ST6GALNAC3: variants seen among roughly 807,000 people sequenced by gnomAD.
ST6GALNAC3 encodes ST6 N-acetylgalactosaminide alpha-2,6-sialyltransferase 3.
In ST6GALNAC3, 25 loss-of-function variants were observed where a neutral mutation model predicts 32.7. That is an observed-to-expected ratio of 0.76 (90% confidence interval 0.56 to 1.07). The LOEUF is 1.07. Ranked by LOEUF, ST6GALNAC3 falls within the 50% of genes least tolerant of loss-of-function variation. ST6GALNAC3 has a pLI of 0.00. For synonymous variants in ST6GALNAC3, 129 were observed against 133.1 expected (o/e 0.97, Z 0.21); for missense variants, 355 against 382.4 (o/e 0.93, Z 0.60).
chr1:76,077,917 A>C (rs997945417), intron 1 of ST6GALNAC3, among the ~76,000 whole-genome samples: 3 of 152,244 alleles, frequency 2.0e-5, no homozygotes, highest in Non-Finnish European at 4.4e-5. Flanking sequence ...CCCCATTCTC[A>C]AATGGCTTAT....
chr1:76,139,074 G>C (rs1360324012), intron 1 of ST6GALNAC3, among the ~76,000 whole-genome samples: 1 of 152,092 alleles, frequency 6.6e-6, no homozygotes, highest in Non-Finnish European at 1.5e-5. Flanking sequence ...GACGCCTGTA[G>C]TCCCAGCTAC....
At position 76,493,752 on chromosome 1, in the gene ST6GALNAC3, G is replaced by T. The variant is rs551500495; in HGVS notation, c.623+81335G>T. Among the ~76,000 whole-genome samples, 4 of 152,098 alleles carry T rather than the reference G, an allele frequency of 2.6e-5. No individual in the cohort carries two copies. In the South Asian group the frequency reaches 8.3e-4, roughly 32 times the overall value. ...TAACATGTATTGATTTATCTGTTAG[G>T]CCCACTTTGTCATTTTAACATGCAT... On this transcript the variant is annotated intron_variant, in intron 3 of 4. Transcript: ENST00000328299.
intron 3 of ST6GALNAC3, among the ~76,000 whole-genome samples, chr1:76,587,089 C>G (rs1646973216): frequency 6.6e-6 from 1 of 152,238 alleles, no homozygotes; most frequent in Non-Finnish European, 1.5e-5. Flanking sequence ...ATTCCAGACA[C>G]CAGATATGAA....
intron 1 of ST6GALNAC3, among the ~76,000 whole-genome samples, chr1:76,275,047 G>T (rs1052880079): frequency 6.6e-6 from 1 of 152,212 alleles, no homozygotes; most frequent in Non-Finnish European, 1.5e-5. Context: ...TATGCTCTAC[G>T]GAGACAGTGT....
At chr1:76,356,804 A>G (rs2101038427) in intron 2 of ST6GALNAC3, among the ~76,000 whole-genome samples, 1 of 152,304 alleles carries the variant, frequency 6.6e-6, no homozygotes, top group East Asian at 1.9e-4. Context: ...AATGAGAACT[A>G]TTATAATAGC....
At chr1:76,455,441 G>A (rs1657705286) in intron 3 of ST6GALNAC3, among the ~76,000 whole-genome samples, 1 of 152,148 alleles carries the variant, frequency 6.6e-6, no homozygotes, top group African/African-American at 2.4e-5. Flanking sequence ...CCCTTTTGGA[G>A]GATACCTGAT....
chr1:76,494,499 C>G (rs1660711893), intron 3 of ST6GALNAC3, among the ~76,000 whole-genome samples: 1 of 120,238 alleles, frequency 8.3e-6, no homozygotes, highest in African/African-American at 3.0e-5. Context: ...TCCCTACTTT[C>G]TTCCACTTAT....
At chr1:76,227,402 T>A (rs1348684952) in intron 1 of ST6GALNAC3, among the ~76,000 whole-genome samples, 3 of 152,200 alleles carry the variant, frequency 2.0e-5, no homozygotes, top group Non-Finnish European at 4.4e-5. Context: ...AAGCTATTTG[T>A]TTATTTGTCC....
chr1:76,121,487 C>T (rs1465288439), intron 1 of ST6GALNAC3, among the ~76,000 whole-genome samples: 2 of 152,068 alleles, frequency 1.3e-5, no homozygotes, highest in African/African-American at 4.8e-5. Flanking sequence ...GAGGCTGAGG[C>T]GGGCAGATCA....
chr1:76,137,110 C>T lies in ST6GALNAC3; in HGVS notation c.18+62226C>T, dbSNP rs550247474. ...AGGTCTGCCCGCCTGGGAGTCTGTGCTGTTTTAAGTCACTTTACTGTCCCC... is the reference window on the plus strand; with the variant it reads ...AGGTCTGCCCGCCTGGGAGTCTGTGTTGTTTTAAGTCACTTTACTGTCCCC... On this transcript the variant is annotated intron_variant, in intron 1 of 4. Transcript: ENST00000328299. Among the ~76,000 whole-genome samples the T allele has an allele frequency of 3.9e-5, 6 of 152,306 alleles. No individual in the cohort carries two copies. In the East Asian group the frequency reaches 1.2e-3, roughly 29 times the overall value.
intron 3 of ST6GALNAC3, among the ~76,000 whole-genome samples, chr1:76,412,675 T>A (rs966063286): frequency 6.6e-6 from 1 of 152,122 alleles, no homozygotes; most frequent in Non-Finnish European, 1.5e-5. Context: ...TTGATCTTTT[T>A]TTATTTTGTT....
At chr1:76,100,378 T>G (rs866090611) in intron 1 of ST6GALNAC3, among the ~76,000 whole-genome samples, 5 of 152,168 alleles carry the variant, frequency 3.3e-5, no homozygotes, top group South Asian at 2.1e-4. Flanking sequence ...TATTCCTCCT[T>G]TGCTAAGAAG....
intron 2 of ST6GALNAC3, among the ~76,000 whole-genome samples, chr1:76,376,260 T>C (rs769423154): frequency 1.3e-5 from 2 of 152,210 alleles, no homozygotes; most frequent in Non-Finnish European, 2.9e-5. Context: ...AATTAGAAAG[T>C]TGACATTAAT....
intron 2 of ST6GALNAC3, among the ~76,000 whole-genome samples, chr1:76,395,779 T>C (rs890030893): frequency 6.6e-6 from 1 of 152,108 alleles, no homozygotes; most frequent in Non-Finnish European, 1.5e-5. Flanking sequence ...GTTTATGTCA[T>C]GGAAGTAGAG....
At chr1:76,537,983 A>T (rs902930881) in intron 3 of ST6GALNAC3, among the ~76,000 whole-genome samples, 1 of 152,204 alleles carries the variant, frequency 6.6e-6, no homozygotes, top group East Asian at 1.9e-4. Context: ...TATCTTAAAC[A>T]ATTGAAAAGG....
At chr1:76,156,638 T>G (rs1651447523) in intron 1 of ST6GALNAC3, among the ~76,000 whole-genome samples, 1 of 152,198 alleles carries the variant, frequency 6.6e-6, no homozygotes, top group Non-Finnish European at 1.5e-5. Flanking sequence ...GAGGTGTTTC[T>G]TTCTTGCTTT....
intron 1 of ST6GALNAC3, among the ~76,000 whole-genome samples, chr1:76,151,247 C>T (rs112277340): frequency 6.6e-6 from 1 of 152,208 alleles, no homozygotes; most frequent in East Asian, 1.9e-4. Flanking sequence ...TCAGGAGGAA[C>T]CTTCAGATGT....
chr1:76,331,509 G>C (rs549493401), intron 2 of ST6GALNAC3, among the ~76,000 whole-genome samples: 1 of 152,196 alleles, frequency 6.6e-6, no homozygotes, highest in Admixed American at 6.5e-5. Context: ...ATTACTTCTT[G>C]TCCATAACCA....
chr1:76,295,496 A>C (rs1328339401), intron 1 of ST6GALNAC3, among the ~76,000 whole-genome samples: 2 of 152,116 alleles, frequency 1.3e-5, no homozygotes, highest in Non-Finnish European at 2.9e-5. Flanking sequence ...GAGAGAGAAT[A>C]GGGAGTAAGG....
Sources: gnomAD v4.1 joint callset for allele counts (sites outside exome capture counted in the v4.1 genomes callset) on GRCh38, gnomAD v4.1.1 for gene constraint, MANE v1.5 for transcripts, NCBI Gene and HGNC (gene_info 2026-07-23, HGNC 2026-07-21) for gene names.